ZNF589: variants seen among roughly 807,000 people sequenced by gnomAD.
The protein encoded by ZNF589 is KRAB-zinc finger protein SZF1-1.
In ZNF589, 17 loss-of-function variants were observed where a neutral mutation model predicts 13.6. The observed-to-expected ratio is 1.25, with a 90% CI of 0.86 to 1.88. ZNF589 has a LOEUF of 1.88. Ranked by LOEUF, ZNF589 falls within the 40% of genes most tolerant of loss-of-function variation. The probability of loss-of-function intolerance (pLI) is 0.00; values close to 1 mark genes in which losing one functional copy is unlikely to be tolerated. For missense variants in ZNF589, 407 were observed against 434.0 expected, an observed-to-expected ratio of 0.94 and a Z score of 0.55; for synonymous variants, 148 against 161.6, an observed-to-expected ratio of 0.92 and a Z score of 0.64.
chr3:48,245,761 A>G (rs539767084), intron 1 of ZNF589, among the ~76,000 whole-genome samples: 7 of 151,532 alleles, frequency 4.6e-5, no homozygotes, highest in Admixed American at 4.6e-4. Context: ...AGCCTGGCCA[A>G]CATGGTGAAA....
intron 1 of ZNF589, among the ~76,000 whole-genome samples, chr3:48,242,892 C>T (rs2033714073): frequency 6.7e-6 from 1 of 149,292 alleles, no homozygotes; most frequent in African/African-American, 2.5e-5. Flanking sequence ...TGGCAACACC[C>T]CATCTCTACT....
In ZNF589 at chr3:48,270,956, C is replaced by T. The variant is rs1040228953; in HGVS notation, c.*2170C>T. The T allele has an allele frequency of 5.7e-5, 11 of 192,662 alleles. No individual in the cohort carries two copies. Among genetic ancestry groups the T allele is most frequent in the South Asian group, 2.3e-4 (2 of 8,700 alleles). The allele number at this position is 192,662 out of a possible 1,614,324, so 11.9% of individuals were successfully genotyped here. A position where few individuals can be genotyped will look rare whatever the true frequency, so the allele number is the denominator to read the frequency against. ...GTCTTGCTGACTTCAAGAATGAAGC[C>T]GTGGACCCTCACGGTGAGTGTTACA... is the stretch of plus-strand genomic sequence containing the variant. On this transcript the variant is annotated 3_prime_UTR_variant, in exon 4 of 4. Coordinates refer to ENST00000354698, the MANE Select transcript of ZNF589 (RefSeq NM_016089.3).
chr3:48,265,668 C>T (rs1044901355), intron 3 of ZNF589, among the ~76,000 whole-genome samples: 2 of 152,212 alleles, frequency 1.3e-5, no homozygotes, highest in Admixed American at 6.5e-5. Flanking sequence ...TTAATTAGCA[C>T]AAATGCCATA....
rs1414647237 is a variant in ZNF589 at position 48,244,705 on chromosome 3, T to C, written c.44-2920T>C. Among the ~76,000 whole-genome samples the C allele has an allele frequency of 2.0e-5, 3 of 152,058 alleles. No homozygotes were observed. The East Asian group carries it at 5.8e-4, about 29-fold the overall frequency. ...GTCATTATCACATTTAGGGCCTTTT[T>C]TTTTTTCTTGCAAACCCAAGGACAA... On this transcript the variant is annotated intron_variant, in intron 1 of 3. Coordinates refer to ENST00000354698, the MANE Select transcript of ZNF589 (RefSeq NM_016089.3).
rs1271426294 is a variant in ZNF589, at chr3:48,270,077, ACTTC to A, written c.*1296_*1299del. The stretch of plus-strand genomic sequence containing the variant: ...GGAGGAATGGTCTTTGCATCTGACT[ACTTC>A]CTTCTGCAACTGTGTTCTTCCATTA... On this transcript the variant is annotated 3_prime_UTR_variant, in exon 4 of 4. Transcript: ENST00000354698. The A allele has an allele frequency of 1.5e-5, 7 of 456,996 alleles. No individual in the cohort carries two copies. The highest frequency in any genetic ancestry group is 6.0e-5 in the African/African-American group (3 of 50,016). The allele number at this position is 456,996 out of a possible 1,614,324, so 28.3% of individuals were successfully genotyped here. A position where few individuals can be genotyped will look rare whatever the true frequency, so the allele number is the denominator to read the frequency against.
At chr3:48,250,476 C>CT (rs879675737) in intron 2 of ZNF589, among the ~76,000 whole-genome samples, 1,798 of 144,432 alleles carry the variant, frequency 0.012, 30 homozygotes, top group African/African-American at 0.039. Context: ...TTGAGAACAA[C>CT]TTTTTTTTTT....
intron 1 of ZNF589, among the ~76,000 whole-genome samples, chr3:48,244,178 A>G (rs918783839): frequency 6.6e-6 from 1 of 152,028 alleles, no homozygotes; most frequent in Non-Finnish European, 1.5e-5. Context: ...TGGGATCAGA[A>G]CCACCTGTCC....
At position 48,247,665 on chromosome 3, in the gene ZNF589, G is replaced by T; in HGVS notation, c.84G>T (p.Lys28Asn). ...AKDSAWPWEE[K>N]PRYLGPVTFE... is the part of the protein sequence containing the mutation. ...ATTCTGCCTGGCCCTGGGAAGAGAAGCCTAGATATCTGGTGAGTTGGGCCC... is the reference window on the plus strand; with the variant it reads ...ATTCTGCCTGGCCCTGGGAAGAGAATCCTAGATATCTGGTGAGTTGGGCCC... Residue 28 changes from lysine to asparagine, a missense_variant, in exon 2 of 4, where the codon AAG becomes AAT. Coordinates refer to ENST00000354698, the MANE Select transcript of ZNF589 (RefSeq NM_016089.3). 1.2e-6 allele frequency: 2 copies of T among 1,613,650 alleles called. No individual in the cohort carries two copies. The highest frequency in any genetic ancestry group is 1.7e-6 in the Non-Finnish European group (2 of 1,179,752).
intron 3 of ZNF589, among the ~76,000 whole-genome samples, chr3:48,266,673 CTGT>C (rs942530990): frequency 2.0e-5 from 3 of 152,200 alleles, no homozygotes; most frequent in Non-Finnish European, 4.4e-5. Context: ...AAAAAAGTTC[CTGT>C]TGTTTCCCAT....
In ZNF589 at chr3:48,256,303, C is replaced by T. The variant is rs537750363; in HGVS notation, c.97-4510C>T. On this transcript the variant is annotated intron_variant, in intron 2 of 3. Coordinates refer to ENST00000354698, the MANE Select transcript of ZNF589 (RefSeq NM_016089.3). ...AGGGCTTGTGAGTACGCCTCCTACT[C>T]CACAGCGCAGGTGCAGGAGGAACTC... 1,134 of 462,108 alleles carry T rather than the reference C, an allele frequency of 2.5e-3. 6 individuals are homozygous for T. Among genetic ancestry groups the T allele is most frequent in the Non-Finnish European group, 3.2e-3 (761 of 238,234 alleles). The allele number at this position is 462,108 out of a possible 1,614,324, so 28.6% of individuals were successfully genotyped here.
chr3:48,253,128 G>A (rs979158571), intron 2 of ZNF589, among the ~76,000 whole-genome samples: 2 of 151,844 alleles, frequency 1.3e-5, no homozygotes, highest in Non-Finnish European at 2.9e-5. Context: ...TACTTCCTAG[G>A]TTCAAGTGAT....
At chr3:48,245,275 C>T (rs11928691) in intron 1 of ZNF589, among the ~76,000 whole-genome samples, 47,038 of 151,848 alleles carry the variant, frequency 0.31, 7,848 homozygotes, top group African/African-American at 0.4. Context: ...CCACCACGCC[C>T]GGCTAATTTT....
At chr3:48,267,851 C>A (rs2034036045) in intron 3 of ZNF589, 64 bp from the exon 4 acceptor site, 1 of 1,495,756 alleles carries the variant, frequency 6.7e-7, no homozygotes, top group Non-Finnish European at 8.9e-7. Context: ...CAGGTCTTAT[C>A]ATAAAACAAG....
chr3:48,266,542 A>G (rs2034021063), intron 3 of ZNF589, among the ~76,000 whole-genome samples: 1 of 152,190 alleles, frequency 6.6e-6, no homozygotes, highest in African/African-American at 2.4e-5. Context: ...AAAGCCAAAT[A>G]GGGCCGGGCG....
At chr3:48,242,087 C>A (rs957179565) in intron 1 of ZNF589, among the ~76,000 whole-genome samples, 5 of 151,908 alleles carry the variant, frequency 3.3e-5, no homozygotes, top group Admixed American at 3.3e-4. Flanking sequence ...GTTGGGATTA[C>A]AGGTGTTAGC....
In ZNF589 at chr3:48,241,154, G is replaced by C; in HGVS notation, c.-18G>C. On this transcript the variant is annotated 5_prime_UTR_variant, in exon 1 of 4. Coordinates refer to ENST00000354698, the MANE Select transcript of ZNF589 (RefSeq NM_016089.3). ...GGTGCTGCTACCTCGTTTGCTTCGT[G>C]CGTGCGTGCGCGCGCAGATGTGGGC... 6.2e-7 allele frequency: 1 copy of C among 1,600,520 alleles called. No individual in the cohort carries two copies. Among genetic ancestry groups the C allele is most frequent in the Non-Finnish European group, 8.5e-7 (1 of 1,173,484 alleles).
intron 2 of ZNF589, among the ~76,000 whole-genome samples, chr3:48,248,271 C>G (rs1335798482): frequency 6.6e-6 from 1 of 152,116 alleles, no homozygotes; most frequent in East Asian, 1.9e-4. Flanking sequence ...GGTGACATCC[C>G]CATTTTCGAG....
chr3:48,258,131 C>G (rs1486404883), intron 2 of ZNF589, among the ~76,000 whole-genome samples: 1 of 152,130 alleles, frequency 6.6e-6, no homozygotes, highest in African/African-American at 2.4e-5. Flanking sequence ...GACATCTTTA[C>G]TATGTTGAGC....
intron 2 of ZNF589, among the ~76,000 whole-genome samples, chr3:48,248,015 T>G (rs536243679): frequency 6.6e-6 from 1 of 152,352 alleles, no homozygotes; most frequent in East Asian, 1.9e-4. Context: ...TTTAATAGTA[T>G]CTAATAGTCT....
Sources: gnomAD v4.1 joint callset for allele counts (sites outside exome capture counted in the v4.1 genomes callset) on GRCh38, gnomAD v4.1.1 for gene constraint, MANE v1.5 for transcripts, NCBI Gene and HGNC (gene_info 2026-07-23, HGNC 2026-07-21) for gene names.